Variants in ZBBX observed in about 807,000 individuals in gnomAD.
The protein encoded by ZBBX is zinc finger B-box domain-containing protein 1.
A neutral mutation model predicts 108.5 loss-of-function variants in ZBBX; 101 were observed. The observed-to-expected ratio is 0.93, with a 90% CI of 0.79 to 1.10. The LOEUF is 1.10. Ranked by LOEUF, ZBBX falls within the 50% of genes least tolerant of loss-of-function variation. ZBBX has a pLI of 0.00. For missense variants in ZBBX, 1,009 were observed against 941.4 expected (o/e 1.07, Z -0.94); for synonymous variants, 356 against 323.4 (o/e 1.10, Z -1.08).
intron 20 of ZBBX, among the ~76,000 whole-genome samples, chr3:167,261,602 G>A (rs565014256): frequency 2.3e-4 from 35 of 151,910 alleles, no homozygotes; most frequent in African/African-American, 8.2e-4. Flanking sequence ...AGGTTGTCAG[G>A]GAAGTGGGAG....
intron 20 of ZBBX, among the ~76,000 whole-genome samples, chr3:167,243,525 A>G (rs1721041869): frequency 6.6e-6 from 1 of 151,828 alleles, no homozygotes; most frequent in African/African-American, 2.4e-5. Context: ...CAGCCTCCCA[A>G]CTAGCTGGGA....
Position 167,360,714 on chromosome 3 carries a change from C to A in ZBBX, c.283G>T (p.Gly95Ter). Residue 95 changes from glycine to a stop codon, truncating the protein, a stop_gained, in exon 7 of 22, where the codon GGA becomes TGA. Coordinates refer to ENST00000675490, the MANE Select transcript of ZBBX (RefSeq NM_001199201.2). LOFTEE classifies it high-confidence loss of function. ...NKGNVVKFSA[G>*]KVKLKLLKEQ... ...TTCAGCAATTTTAATTTCACTTTTCCAGCAGAAAACTGTATTAATAAAATA... is the reference window on the plus strand; with the variant it reads ...TTCAGCAATTTTAATTTCACTTTTCAAGCAGAAAACTGTATTAATAAAATA... 2 of 1,386,728 alleles carry A rather than the reference C, an allele frequency of 1.4e-6. No homozygotes were observed. Among genetic ancestry groups the A allele is most frequent in the South Asian group, 2.0e-5 (1 of 50,848 alleles). 85.9% of individuals were successfully genotyped at this position (1,386,728 alleles called of 1,614,324 possible). A position where few individuals can be genotyped will look rare whatever the true frequency, so the allele number is the denominator to read the frequency against.
At chr3:167,396,216 C>A (rs1440528220) in intron 1 of ZBBX, among the ~76,000 whole-genome samples, 1 of 152,018 alleles carries the variant, frequency 6.6e-6, no homozygotes, top group Admixed American at 6.6e-5. Context: ...GTGGAGCTGA[C>A]TGTTGCAGGA....
chr3:167,183,424 C>T, the ZBBX span, among the ~76,000 whole-genome samples: 2 of 152,182 alleles, frequency 1.3e-5, no homozygotes, highest in Admixed American at 1.3e-4. Flanking sequence ...GCACCACTTG[C>T]CAAGACCAGC....
At chr3:167,244,151 C>T (rs1033851347) in intron 20 of ZBBX, among the ~76,000 whole-genome samples, 5 of 152,128 alleles carry the variant, frequency 3.3e-5, no homozygotes, top group African/African-American at 7.2e-5. Context: ...GAAAGTCACA[C>T]GGCCATATAG....
At chr3:167,273,835 C>T (rs562039296) in intron 20 of ZBBX, among the ~76,000 whole-genome samples, 34 of 152,236 alleles carry the variant, frequency 2.2e-4, no homozygotes, top group Non-Finnish European at 4.1e-4. Flanking sequence ...CAATTGGAGT[C>T]CCACAGGGGG....
chr3:167,302,217 A>G (rs1167386876), intron 17 of ZBBX, among the ~76,000 whole-genome samples: 3 of 152,084 alleles, frequency 2.0e-5, no homozygotes, highest in Admixed American at 6.6e-5. Flanking sequence ...TATGTTCTTT[A>G]AACTTATTTG....
At chr3:167,222,548 A>C in the ZBBX span, among the ~76,000 whole-genome samples, 3 of 152,068 alleles carry the variant, frequency 2.0e-5, no homozygotes, top group East Asian at 5.8e-4. Flanking sequence ...TTTATTGTAC[A>C]TTTTAAAATA....
chr3:167,323,458 T>C (rs183226521), intron 11 of ZBBX, among the ~76,000 whole-genome samples: 31 of 152,202 alleles, frequency 2.0e-4, no homozygotes, highest in Admixed American at 1.9e-3. Context: ...TGTTGATAAC[T>C]GGACCTACAG....
chr3:167,193,348 C>T, the ZBBX span, among the ~76,000 whole-genome samples: 1 of 152,126 alleles, frequency 6.6e-6, no homozygotes, highest in South Asian at 2.1e-4. Context: ...TGAAAACAAA[C>T]CTTTCACCAC....
At chr3:167,296,548 T>C (rs1310512284) in intron 18 of ZBBX, among the ~76,000 whole-genome samples, 2 of 151,978 alleles carry the variant, frequency 1.3e-5, no homozygotes, top group East Asian at 3.9e-4. Context: ...ACAAAGTCAA[T>C]AGGCAAATAC....
intron 20 of ZBBX, among the ~76,000 whole-genome samples, chr3:167,279,576 C>T (rs1287400857): frequency 2.0e-5 from 3 of 150,556 alleles, no homozygotes; most frequent in Non-Finnish European, 4.4e-5. Context: ...AACTACAAAC[C>T]ACTGCTCAAT....
At position 167,368,505 on chromosome 3, in the gene ZBBX, C is replaced by T. The variant is rs1745680857; in HGVS notation, c.138G>A (p.Leu46=). Reference sequence around the variant, plus strand: ...TGTTTCTTGTGGATCGGAATTCTTGCAGTTTCTTCTCCATCTCTTGGTTCT... The same window carrying T: ...TGTTTCTTGTGGATCGGAATTCTTGTAGTTTCTTCTCCATCTCTTGGTTCT... ...EFENQEMEKK[L]QEFRSTRNKE... The change falls in exon 5 of 22, where the codon CTG becomes CTA. Residue 46 remains leucine (L), a synonymous_variant. Transcript: ENST00000675490. The T allele has an allele frequency of 6.2e-7, 1 of 1,612,402 alleles. No homozygotes were observed. The highest frequency in any genetic ancestry group is 1.3e-5 in the African/African-American group (1 of 74,964).
intron 9 of ZBBX, among the ~76,000 whole-genome samples, chr3:167,339,883 T>C (rs113065007): frequency 0.022 from 3,278 of 152,116 alleles, 126 homozygotes; most frequent in African/African-American, 0.075. Flanking sequence ...TGTGTTCTCA[T>C]TGTTCAACTC....
chr3:167,290,287 C>A (rs1355660299), intron 18 of ZBBX, among the ~76,000 whole-genome samples: 1 of 152,198 alleles, frequency 6.6e-6, no homozygotes, highest in Non-Finnish European at 1.5e-5. Context: ...GGCCGACAGA[C>A]ACCTCTTACA....
chr3:167,339,877 T>C (rs908568976), intron 9 of ZBBX, among the ~76,000 whole-genome samples: 6 of 152,068 alleles, frequency 3.9e-5, no homozygotes, highest in Non-Finnish European at 8.8e-5. Flanking sequence ...TGTCCATGTG[T>C]TCTCATTGTT....
intron 21 of ZBBX, among the ~76,000 whole-genome samples, chr3:167,241,233 A>G (rs1299955003): frequency 6.6e-6 from 1 of 152,210 alleles, no homozygotes; most frequent in Non-Finnish European, 1.5e-5. Flanking sequence ...CAGGGTCATC[A>G]TTAAGAACAT....
At chr3:167,216,918 T>C in the ZBBX span, among the ~76,000 whole-genome samples, 1 of 152,202 alleles carries the variant, frequency 6.6e-6, no homozygotes, top group African/African-American at 2.4e-5. Flanking sequence ...TGGTTAGCCA[T>C]ATGCAGAAGA....
At chr3:167,357,564 T>C (rs537599080) in intron 8 of ZBBX, among the ~76,000 whole-genome samples, 5 of 152,234 alleles carry the variant, frequency 3.3e-5, no homozygotes, top group South Asian at 4.1e-4. Context: ...CTCATGTTCA[T>C]AGCAGCATTA....
Sources: allele counts gnomAD v4.1 joint callset (sites outside exome capture counted in the v4.1 genomes callset), GRCh38; gene constraint gnomAD v4.1.1; transcripts MANE v1.5; gene names NCBI Gene and HGNC (gene_info 2026-07-23, HGNC 2026-07-21).